Variants in PCDH11Y observed in about 807,000 individuals in gnomAD.
PCDH11Y encodes protocadherin 11 Y-linked, also known as protocadherin-11 Y-linked.
For synonymous variants in PCDH11Y, 9 were observed against 83.6 expected (o/e 0.11, Z 4.87); for missense variants, 12 against 224.8 (o/e 0.05, Z 6.05).
chrY:5,601,260 C>T, intron 4 of PCDH11Y, among the ~76,000 whole-genome samples: 1 of 31,266 alleles, frequency 3.2e-5, no homozygotes, highest in South Asian at 7.6e-4. Flanking sequence ...ACATCAGTAT[C>T]ATCTTTGTGA....
intron 1 of PCDH11Y, among the ~76,000 whole-genome samples, chrY:5,070,119 C>T: frequency 3.0e-5 from 1 of 33,099 alleles, no homozygotes; most frequent in Admixed American, 2.8e-4. Context: ...ATTTTTCACT[C>T]AGGGTTTTGG....
intron 4 of PCDH11Y, among the ~76,000 whole-genome samples, chrY:5,670,123 G>A: frequency 3.3e-5 from 1 of 30,227 alleles, no homozygotes; most frequent in Admixed American, 3.2e-4. Flanking sequence ...CATTCATATT[G>A]TTGCATATGA....
At chrY:5,538,232 G>A in intron 3 of PCDH11Y, among the ~76,000 whole-genome samples, 1 of 33,684 alleles carries the variant, frequency 3.0e-5, no homozygotes, top group Admixed American at 2.7e-4. Context: ...AAGATTTTGA[G>A]CAAAGAAGTG....
intron 2 of PCDH11Y, among the ~76,000 whole-genome samples, chrY:5,449,561 G>A: frequency 3.0e-5 from 1 of 33,180 alleles, no homozygotes; most frequent in South Asian, 6.7e-4. Flanking sequence ...CCTGAAAGCT[G>A]TCTGAAAATA....
intron 2 of PCDH11Y, among the ~76,000 whole-genome samples, chrY:5,465,487 T>C: frequency 6.3e-5 from 2 of 31,551 alleles, no homozygotes; most frequent in Non-Finnish European, 1.5e-4. Context: ...TCAATTTCAT[T>C]TGGAAATATT....
At chrY:5,591,559 T>G (rs2053461817) in intron 4 of PCDH11Y, among the ~76,000 whole-genome samples, 1 of 32,425 alleles carries the variant, frequency 3.1e-5, no homozygotes, top group African/African-American at 1.2e-4. Context: ...TTATTTCTTG[T>G]CTTCTGCTAG....
rs1569348381 is a variant in PCDH11Y, at chrY:5,584,174, C to T, written c.3352+2376C>T. On this transcript the variant is annotated intron_variant, in intron 4 of 4. Coordinates refer to the PCDH11Y transcript ENST00000400457. The stretch of plus-strand genomic sequence containing the variant: ...AATTTATCAAGTAATTTTTCAGCAT[C>T]AATTGAAATAATCATATGATTTTTG... Among the ~76,000 whole-genome samples the T allele has an allele frequency of 9.1e-5, 3 of 32,956 alleles. No individual in the cohort carries two copies. In the East Asian group the frequency reaches 2.4e-3, roughly 26 times the overall value. The allele number at this position is 32,956 out of a possible 37,273, so 88.4% of individuals were successfully genotyped here. A position where few individuals can be genotyped will look rare whatever the true frequency, so the allele number is the denominator to read the frequency against.
At chrY:5,064,363 T>G in intron 1 of PCDH11Y, among the ~76,000 whole-genome samples, 1 of 26,181 alleles carries the variant, frequency 3.8e-5, no homozygotes, top group Non-Finnish European at 8.8e-5. Context: ...TATATAGAAT[T>G]TCATTATTTT....
At chrY:5,705,990 C>G in intron 4 of PCDH11Y, among the ~76,000 whole-genome samples, 1 of 30,065 alleles carries the variant, frequency 3.3e-5, no homozygotes, top group Non-Finnish European at 8.0e-5. Context: ...ATATATTTCT[C>G]ATTTATTGTT....
At chrY:5,714,486 G>A in intron 4 of PCDH11Y, among the ~76,000 whole-genome samples, 1 of 30,014 alleles carries the variant, frequency 3.3e-5, no homozygotes, top group Non-Finnish European at 8.0e-5. Context: ...TTTAAAAAGG[G>A]ACTGTGTGGT....
chrY:5,198,037 A>C, intron 2 of PCDH11Y, among the ~76,000 whole-genome samples: 2 of 31,886 alleles, frequency 6.3e-5, no homozygotes, highest in Non-Finnish European at 1.5e-4. Flanking sequence ...CTCACCACAC[A>C]AAAAATGATA....
intron 2 of PCDH11Y, among the ~76,000 whole-genome samples, chrY:5,297,373 C>T (rs9786092): frequency 0.15 from 5,103 of 33,114 alleles, no homozygotes; most frequent in African/African-American, 0.59. Flanking sequence ...GCCTCACCAG[C>T]TAGTGTCTCC....
At chrY:5,259,025 C>T in intron 2 of PCDH11Y, among the ~76,000 whole-genome samples, 1 of 33,423 alleles carries the variant, frequency 3.0e-5, no homozygotes, top group African/African-American at 1.2e-4. Context: ...TCTGAATTGA[C>T]TACTTTATCA....
intron 2 of PCDH11Y, among the ~76,000 whole-genome samples, chrY:5,379,654 T>C: frequency 3.1e-5 from 1 of 31,960 alleles, no homozygotes; most frequent in Non-Finnish European, 7.7e-5. Flanking sequence ...CCAGAGCAGA[T>C]GGCAAAATAG....
chrY:5,528,150 A>C, intron 3 of PCDH11Y, among the ~76,000 whole-genome samples: 1 of 32,462 alleles, frequency 3.1e-5, no homozygotes, highest in Non-Finnish European at 7.6e-5. Flanking sequence ...AATTTATTTT[A>C]GTACAGACTC....
At chrY:5,493,383 C>T in intron 2 of PCDH11Y, among the ~76,000 whole-genome samples, 1 of 32,924 alleles carries the variant, frequency 3.0e-5, no homozygotes, top group East Asian at 7.9e-4. Context: ...AGTGTTCAAA[C>T]CAAACTTGTG....
intron 2 of PCDH11Y, among the ~76,000 whole-genome samples, chrY:5,144,489 G>T (rs2052854739): frequency 3.1e-5 from 1 of 32,573 alleles, no homozygotes; most frequent in Non-Finnish European, 7.6e-5. Flanking sequence ...ATCTACAAAT[G>T]CTTTTGACTA....
At chrY:5,418,702 A>G (rs2053255402) in intron 2 of PCDH11Y, among the ~76,000 whole-genome samples, 1 of 33,414 alleles carries the variant, frequency 3.0e-5, no homozygotes, top group Non-Finnish European at 7.4e-5. Flanking sequence ...TTTAACTGAC[A>G]TGCATTTATG....
chrY:5,343,167 A>T (rs2053147242), intron 2 of PCDH11Y, among the ~76,000 whole-genome samples: 2 of 31,706 alleles, frequency 6.3e-5, no homozygotes, highest in South Asian at 1.4e-3. Flanking sequence ...TTCTATTAGT[A>T]TTTTTTTTCA....
Sources: gnomAD v4.1 joint callset for allele counts (sites outside exome capture counted in the v4.1 genomes callset) on GRCh38, gnomAD v4.1.1 for gene constraint, MANE v1.5 for transcripts, NCBI Gene and HGNC (gene_info 2026-07-23, HGNC 2026-07-21) for gene names.